Variants in RNF150 observed in about 807,000 individuals in gnomAD.
The protein encoded by RNF150 is ring finger protein 150.
In RNF150, 24 loss-of-function variants were observed where a neutral mutation model predicts 39.3. The observed-to-expected ratio is 0.61, with a 90% CI of 0.44 to 0.86. The LOEUF (loss-of-function observed/expected upper bound fraction) is 0.86. Ranked by LOEUF, RNF150 falls within the 40% of genes least tolerant of loss-of-function variation. The pLI is 0.00. For synonymous variants in RNF150, 255 were observed against 227.3 expected, an observed-to-expected ratio of 1.12 and a Z score of -1.10; for missense variants, 502 against 587.8, an observed-to-expected ratio of 0.85 and a Z score of 1.51.
intron 1 of RNF150, among the ~76,000 whole-genome samples, chr4:141,125,640 C>G (rs1397752064): frequency 1.3e-5 from 2 of 152,082 alleles, no homozygotes; most frequent in Non-Finnish European, 2.9e-5. Flanking sequence ...GTTAACTTTT[C>G]AAAAGTTGAG....
At chr4:141,166,592 C>A (rs1560765861) in intron 1 of RNF150, among the ~76,000 whole-genome samples, 1 of 152,138 alleles carries the variant, frequency 6.6e-6, no homozygotes, top group African/African-American at 2.4e-5. Flanking sequence ...AGCTTATCCA[C>A]TCATGATCAA....
chr4:140,869,063 G>A (rs1483813037), intron 6 of RNF150, among the ~76,000 whole-genome samples: 1 of 152,096 alleles, frequency 6.6e-6, no homozygotes, highest in South Asian at 2.1e-4. Context: ...TCATTTCCAG[G>A]ATGTATTATA....
chr4:140,909,024 A>G (rs1167751094), intron 6 of RNF150, among the ~76,000 whole-genome samples: 1 of 152,150 alleles, frequency 6.6e-6, no homozygotes, highest in African/African-American at 2.4e-5. Context: ...ATTTTATCAC[A>G]TCTTCCAATA....
At chr4:141,142,401 C>T (rs1434666538) in intron 1 of RNF150, among the ~76,000 whole-genome samples, 1 of 152,220 alleles carries the variant, frequency 6.6e-6, no homozygotes, top group East Asian at 1.9e-4. Flanking sequence ...AGTAACCTCC[C>T]TGTTAACTGG....
At chr4:140,929,882 G>A (rs1487162301) in intron 4 of RNF150, among the ~76,000 whole-genome samples, 1 of 152,148 alleles carries the variant, frequency 6.6e-6, no homozygotes, top group Non-Finnish European at 1.5e-5. Context: ...GGCTGGGCAT[G>A]GTGGCTCATG....
At chr4:141,063,884 A>T (rs946190741) in intron 1 of RNF150, among the ~76,000 whole-genome samples, 1 of 151,972 alleles carries the variant, frequency 6.6e-6, no homozygotes, top group Non-Finnish European at 1.5e-5. Context: ...AAAGTTATAT[A>T]ACCAGTAGTC....
chr4:140,896,717 CAAACAAA>C (rs1729969281), intron 6 of RNF150, among the ~76,000 whole-genome samples: 1 of 57,884 alleles, frequency 1.7e-5, no homozygotes, highest in Admixed American at 2.4e-4. Context: ...AACAAACAAA[CAAACAAA>C]AAAAAATAAT....
rs190367001 is a variant in RNF150 at position 140,886,140 on chromosome 4, G to C, written c.1199-17761C>G. 4.2e-3 allele frequency among the ~76,000 whole-genome samples: 621 copies of C among 147,768 alleles called. 4 individuals are homozygous for C. Among genetic ancestry groups the C allele is most frequent in the African/African-American group, 0.014 (576 of 39,888 alleles). ...CAGGAGGTGGAGCTTGCAGTGAGCC[G>C]GGATAGCGCCACTGCGCTCCAGCCT... On this transcript the variant is annotated intron_variant, in intron 6 of 6. Coordinates refer to ENST00000515673, the MANE Select transcript of RNF150 (RefSeq NM_020724.2).
chr4:141,017,353 G>A (rs1735318392), intron 1 of RNF150, among the ~76,000 whole-genome samples: 1 of 151,930 alleles, frequency 6.6e-6, no homozygotes, highest in Non-Finnish European at 1.5e-5. Flanking sequence ...AGCAGTTTTG[G>A]GTTCACAGAA....
chr4:141,027,101 C>T (rs535068471), intron 1 of RNF150, among the ~76,000 whole-genome samples: 5 of 152,260 alleles, frequency 3.3e-5, no homozygotes, highest in South Asian at 2.1e-4. Context: ...CAGCTCTTGT[C>T]GGCTGACAAT....
At chr4:141,174,375 A>ACTGAGC (rs1347164021) in intron 1 of RNF150, among the ~76,000 whole-genome samples, 3 of 152,132 alleles carry the variant, frequency 2.0e-5, no homozygotes, top group Non-Finnish European at 4.4e-5. Context: ...ACAGAGGCCC[A>ACTGAGC]AGTGTTAATA....
chr4:140,909,688 C>A (rs1730518982), intron 6 of RNF150, among the ~76,000 whole-genome samples: 1 of 152,034 alleles, frequency 6.6e-6, no homozygotes, highest in Non-Finnish European at 1.5e-5. Context: ...GCATGACTTG[C>A]ATTATATTAA....
intron 1 of RNF150, among the ~76,000 whole-genome samples, chr4:141,119,007 C>T (rs1045827790): frequency 2.6e-5 from 4 of 152,142 alleles, no homozygotes; most frequent in African/African-American, 9.7e-5. Flanking sequence ...GTGATCCACT[C>T]GTCTAGGCCT....
chr4:141,193,747 C>T (rs1728153751), intron 1 of RNF150, among the ~76,000 whole-genome samples: 1 of 152,174 alleles, frequency 6.6e-6, no homozygotes, highest in Admixed American at 6.5e-5. Context: ...CTGTCTGATA[C>T]AAATCTTCCA....
chr4:141,063,455 ATC>A (rs1045648769), intron 1 of RNF150, among the ~76,000 whole-genome samples: 4 of 152,218 alleles, frequency 2.6e-5, no homozygotes, highest in Admixed American at 6.5e-5. Context: ...AGACATAAAT[ATC>A]TTTATGGTAA....
intron 1 of RNF150, among the ~76,000 whole-genome samples, chr4:141,020,962 A>G (rs1010253942): frequency 6.6e-6 from 1 of 152,166 alleles, no homozygotes; most frequent in African/African-American, 2.4e-5. Flanking sequence ...TTTATTCAGG[A>G]CTACTGCAAT....
At chr4:140,893,161 T>G (rs1472831258) in intron 6 of RNF150, among the ~76,000 whole-genome samples, 1 of 152,328 alleles carries the variant, frequency 6.6e-6, no homozygotes, top group Admixed American at 6.5e-5. Flanking sequence ...ATTCCAGGCA[T>G]GTGATTAACA....
At chr4:141,067,661 T>C (rs1013783310) in intron 1 of RNF150, among the ~76,000 whole-genome samples, 1 of 152,190 alleles carries the variant, frequency 6.6e-6, no homozygotes, top group Non-Finnish European at 1.5e-5. Context: ...GACCAATCAA[T>C]ACCACCTCAT....
intron 5 of RNF150, among the ~76,000 whole-genome samples, chr4:140,921,171 AAAGTATAAT>A (rs1252274294): frequency 3.0e-5 from 3 of 98,564 alleles, no homozygotes; most frequent in Admixed American, 2.3e-4. Context: ...CCTAAAACTT[AAAGTATAAT>A]AATAATAATA....
Sources: allele counts gnomAD v4.1 joint callset (sites outside exome capture counted in the v4.1 genomes callset), GRCh38; gene constraint gnomAD v4.1.1; transcripts MANE v1.5; gene names NCBI Gene and HGNC (gene_info 2026-07-23, HGNC 2026-07-21).